SYT16: variants seen among roughly 807,000 people sequenced by gnomAD.
SYT16 encodes synaptotagmin 16.
Under a neutral mutation model 61.4 loss-of-function variants are expected in SYT16, and 42 were observed. That is an observed-to-expected ratio of 0.68 (90% confidence interval 0.53 to 0.89). SYT16 has a LOEUF of 0.89. Among genes scored for constraint, SYT16 ranks in the 40% least tolerant of loss-of-function variants. The pLI is 0.00. For missense variants in SYT16, 804 were observed against 807.3 expected (o/e 1.00, Z 0.05); for synonymous variants, 314 against 302.3 (o/e 1.04, Z -0.40).
At chr14:62,071,095 C>G (rs73264215) in intron 4 of SYT16, among the ~76,000 whole-genome samples, 1,612 of 152,252 alleles carry the variant, frequency 0.011, 34 homozygotes, top group African/African-American at 0.037. Flanking sequence ...CTTTTTAGCT[C>G]AAATTAATAA....
At chr14:61,895,784 A>C (rs1018790397) in intron 1 of SYT16, among the ~76,000 whole-genome samples, 1 of 152,084 alleles carries the variant, frequency 6.6e-6, no homozygotes, top group Non-Finnish European at 1.5e-5. Flanking sequence ...TGGATTTTTG[A>C]GTCTTTATTA....
chr14:62,012,622 G>A (rs1305993722), intron 3 of SYT16, among the ~76,000 whole-genome samples: 1 of 152,148 alleles, frequency 6.6e-6, no homozygotes, highest in Non-Finnish European at 1.5e-5. Flanking sequence ...CTTACCACAG[G>A]ATTCTATATT....
At chr14:61,893,043 G>A (rs1266815298) in intron 1 of SYT16, among the ~76,000 whole-genome samples, 1 of 152,140 alleles carries the variant, frequency 6.6e-6, no homozygotes, top group Non-Finnish European at 1.5e-5. Context: ...GAGGAAAAGA[G>A]TATAAAACAG....
intron 2 of SYT16, among the ~76,000 whole-genome samples, chr14:61,979,692 G>A (rs1265682553): frequency 6.6e-6 from 1 of 152,138 alleles, no homozygotes; most frequent in Admixed American, 6.5e-5. Flanking sequence ...GATCATCCTG[G>A]CCAACATGGT....
intron 1 of SYT16, among the ~76,000 whole-genome samples, chr14:61,872,808 G>A (rs966067423): frequency 1.3e-5 from 2 of 152,122 alleles, no homozygotes; most frequent in Admixed American, 6.6e-5. Context: ...TTCTCTTTCA[G>A]GGCAGGGAGT....
At chr14:61,859,160 G>A (rs1253696215) in intron 1 of SYT16, among the ~76,000 whole-genome samples, 3 of 151,992 alleles carry the variant, frequency 2.0e-5, no homozygotes, top group South Asian at 2.1e-4. Context: ...CGCCCGGCCA[G>A]CCCCAAATCA....
intron 3 of SYT16, among the ~76,000 whole-genome samples, chr14:61,999,560 C>G (rs1329922051): frequency 6.6e-6 from 1 of 151,528 alleles, no homozygotes; most frequent in Non-Finnish European, 1.5e-5. Context: ...TTCCAAATAT[C>G]TCATTTTTGG....
At chr14:61,932,033 G>A (rs1031795797) in intron 1 of SYT16, among the ~76,000 whole-genome samples, 1 of 152,196 alleles carries the variant, frequency 6.6e-6, no homozygotes, top group Non-Finnish European at 1.5e-5. Context: ...GAAGACTAGA[G>A]AGCTTGACAT....
At chr14:61,830,054 T>TTTTTCAGTTCTATTA (rs1162553114) in intron 1 of SYT16, among the ~76,000 whole-genome samples, 1 of 152,248 alleles carries the variant, frequency 6.6e-6, no homozygotes, top group Non-Finnish European at 1.5e-5. Context: ...AGTTATTGTA[T>TTTTTCAGTTCTATTA]TTTTCAGTTC....
At chr14:61,980,589 C>T (rs550546924) in intron 2 of SYT16, among the ~76,000 whole-genome samples, 1 of 152,280 alleles carries the variant, frequency 6.6e-6, no homozygotes, top group Non-Finnish European at 1.5e-5. Context: ...AATATTTATT[C>T]ATCCATTCAA....
intron 1 of SYT16, among the ~76,000 whole-genome samples, chr14:61,886,146 A>G (rs2047891817): frequency 6.6e-6 from 1 of 151,904 alleles, no homozygotes; most frequent in Non-Finnish European, 1.5e-5. Context: ...TTGTATTTTT[A>G]GTAGAGATGG....
chr14:62,095,139 A>T (rs543720421), intron 7 of SYT16, among the ~76,000 whole-genome samples: 3 of 152,166 alleles, frequency 2.0e-5, no homozygotes, highest in African/African-American at 4.8e-5. Flanking sequence ...ATAACTAATA[A>T]TGTGGCACAG....
intron 3 of SYT16, among the ~76,000 whole-genome samples, chr14:62,031,939 G>C (rs1372041801): frequency 6.6e-6 from 1 of 152,106 alleles, no homozygotes; most frequent in Non-Finnish European, 1.5e-5. Flanking sequence ...AACCCTAAAA[G>C]CAAGAGGCTG....
intron 3 of SYT16, among the ~76,000 whole-genome samples, chr14:62,059,179 G>C (rs569259269): frequency 6.6e-6 from 1 of 152,086 alleles, no homozygotes; most frequent in Admixed American, 6.6e-5. Flanking sequence ...CATGACGCAA[G>C]TTTACCTATG....
At position 62,089,428 on chromosome 14, in the gene SYT16, C is replaced by T. The variant is rs983479413; in HGVS notation, c.1624+5043C>T. ...GAAAGTATTTGGCTGGGCATTTCTT[C>T]TTTTCGAACTTCATTTCTATGTATC... On this transcript the variant is annotated intron_variant, in intron 7 of 7. Coordinates refer to ENST00000683842, the MANE Select transcript of SYT16 (RefSeq NM_001367656.1). Among the ~76,000 whole-genome samples the T allele has an allele frequency of 9.2e-5, 14 of 152,112 alleles. No individual in the cohort carries two copies. In the East Asian group the frequency reaches 2.5e-3, roughly 27 times the overall value.
intron 1 of SYT16, among the ~76,000 whole-genome samples, chr14:61,878,676 T>C (rs1000655307): frequency 3.9e-5 from 6 of 152,242 alleles, no homozygotes; most frequent in African/African-American, 9.6e-5. Context: ...GATCCTTTTT[T>C]TCAGCCTGTA....
chr14:61,977,489 T>C (rs1266667121), intron 2 of SYT16, among the ~76,000 whole-genome samples: 2 of 152,136 alleles, frequency 1.3e-5, no homozygotes, highest in Admixed American at 1.3e-4. Context: ...CAGGAAGAAG[T>C]GCCAAGCAAA....
rs551555666 is a variant in SYT16, at chr14:62,060,527, C to G, written c.524-9076C>G. Reference sequence around the variant, plus strand: ...GATGGTGAAATTTTTTTTTTTTTATCAGAAATTGACAATAAATTCTGTCAG... The same window carrying G: ...GATGGTGAAATTTTTTTTTTTTTATGAGAAATTGACAATAAATTCTGTCAG... On this transcript the variant is annotated intron_variant, in intron 3 of 7. Coordinates refer to ENST00000683842, the MANE Select transcript of SYT16 (RefSeq NM_001367656.1). Among the ~76,000 whole-genome samples, 9 of 148,654 alleles carry G rather than the reference C, an allele frequency of 6.1e-5. No individual in the cohort carries two copies. The South Asian group carries it at 1.7e-3, about 28-fold the overall frequency.
chr14:61,910,207 G>A (rs2048875289), intron 1 of SYT16, among the ~76,000 whole-genome samples: 1 of 146,612 alleles, frequency 6.8e-6, no homozygotes, highest in Non-Finnish European at 1.5e-5. Context: ...AATAATTTCT[G>A]CAAAATGTAT....
Sources: allele counts gnomAD v4.1 joint callset (sites outside exome capture counted in the v4.1 genomes callset), GRCh38; gene constraint gnomAD v4.1.1; transcripts MANE v1.5; gene names NCBI Gene and HGNC (gene_info 2026-07-23, HGNC 2026-07-21).